Variants in FSTL5 observed in about 807,000 individuals in gnomAD.
FSTL5 encodes the protein follistatin-related protein 5.
Under a neutral mutation model 89.1 loss-of-function variants are expected in FSTL5, and 62 were observed. The ratio of observed to expected loss-of-function variants is 0.70; its 90% confidence interval spans 0.57 to 0.86. The LOEUF is 0.86. Among genes scored for constraint, FSTL5 ranks in the 40% least tolerant of loss-of-function variants. FSTL5 has a pLI of 0.00. For synonymous variants in FSTL5, 383 were observed against 346.2 expected, an observed-to-expected ratio of 1.11 and a Z score of -1.18; for missense variants, 1,057 against 1,001.6, an observed-to-expected ratio of 1.06 and a Z score of -0.75.
intron 2 of FSTL5, among the ~76,000 whole-genome samples, chr4:162,050,505 A>C (rs1738344139): frequency 6.7e-6 from 1 of 150,104 alleles, no homozygotes; most frequent in South Asian, 2.1e-4. Context: ...AAATAATTTA[A>C]TAATAATTTA....
Position 161,710,794 on chromosome 4 carries a change from T to C in FSTL5, c.727+48617A>G, listed in dbSNP as rs533389595. Among the ~76,000 whole-genome samples, 13 of 152,314 alleles carry C rather than the reference T, an allele frequency of 8.5e-5. No individual in the cohort carries two copies. In the South Asian group the frequency reaches 2.5e-3, roughly 29 times the overall value. ...TAAATCTGAAGTATAATCTGATTAA[T>C]TTATATGTATATGATAAGCCTTAGA... On this transcript the variant is annotated intron_variant, in intron 6 of 15. Transcript: ENST00000306100.
intron 4 of FSTL5, among the ~76,000 whole-genome samples, chr4:161,898,820 G>A (rs543170790): frequency 5.1e-4 from 78 of 151,794 alleles, no homozygotes; most frequent in African/African-American, 1.7e-3. Context: ...TAGTAGAGAC[G>A]GGGTTTCACC....
At chr4:161,514,390 C>T (rs1019003590) in intron 10 of FSTL5, among the ~76,000 whole-genome samples, 2 of 151,934 alleles carry the variant, frequency 1.3e-5, no homozygotes, top group Admixed American at 6.6e-5. Flanking sequence ...AAATATTGAA[C>T]GTTCTCACTT....
chr4:161,994,523 C>T (rs1334247699), intron 3 of FSTL5, among the ~76,000 whole-genome samples: 1 of 152,166 alleles, frequency 6.6e-6, no homozygotes, highest in Non-Finnish European at 1.5e-5. Flanking sequence ...TCCCTTTTCT[C>T]CACATCCTTG....
chr4:161,915,138 G>T (rs911223738), intron 4 of FSTL5, among the ~76,000 whole-genome samples: 5 of 152,110 alleles, frequency 3.3e-5, no homozygotes, highest in Non-Finnish European at 7.4e-5. Flanking sequence ...TTTTAAAACT[G>T]TAAGTTTGTT....
At chr4:161,797,474 C>T (rs1006130401) in intron 4 of FSTL5, among the ~76,000 whole-genome samples, 2 of 151,590 alleles carry the variant, frequency 1.3e-5, no homozygotes, top group African/African-American at 2.4e-5. Context: ...TTGTTTTAAT[C>T]ACTTAAAACA....
chr4:161,846,302 T>C (rs1418156231), intron 4 of FSTL5, among the ~76,000 whole-genome samples: 3 of 152,150 alleles, frequency 2.0e-5, no homozygotes, highest in Non-Finnish European at 4.4e-5. Context: ...AATTTTACCA[T>C]ATATTAAAAT....
intron 4 of FSTL5, among the ~76,000 whole-genome samples, chr4:161,863,315 C>G (rs1731975917): frequency 2.0e-5 from 3 of 152,136 alleles, no homozygotes; most frequent in African/African-American, 7.2e-5. Context: ...CTACTTTTTA[C>G]TATATACAGT....
At chr4:161,668,927 C>T (rs1353118020) in intron 6 of FSTL5, among the ~76,000 whole-genome samples, 1 of 151,768 alleles carries the variant, frequency 6.6e-6, no homozygotes, top group Non-Finnish European at 1.5e-5. Context: ...GCCTGGTCAA[C>T]ATGGTGAAAC....
chr4:161,838,619 A>G (rs992908005), intron 4 of FSTL5, among the ~76,000 whole-genome samples: 2 of 152,148 alleles, frequency 1.3e-5, no homozygotes, highest in Non-Finnish European at 2.9e-5. Flanking sequence ...TTATCCATAT[A>G]AGAAAAGAGG....
chr4:161,880,410 A>G (rs990668749), intron 4 of FSTL5, among the ~76,000 whole-genome samples: 18 of 152,176 alleles, frequency 1.2e-4, no homozygotes, highest in Admixed American at 2.0e-4. Context: ...TGTCATTCAT[A>G]AAAAAACAAA....
At chr4:161,443,603 C>G (rs1334362539) in intron 15 of FSTL5, among the ~76,000 whole-genome samples, 1 of 151,840 alleles carries the variant, frequency 6.6e-6, no homozygotes, top group Non-Finnish European at 1.5e-5. Flanking sequence ...TTAATGCAAT[C>G]TTATTGAATA....
At chr4:162,123,441 G>T (rs1047681229) in intron 1 of FSTL5, among the ~76,000 whole-genome samples, 6 of 152,052 alleles carry the variant, frequency 3.9e-5, no homozygotes, top group African/African-American at 1.4e-4. Flanking sequence ...GGTGTGCAGG[G>T]GAAAGAGGGA....
At chr4:161,844,221 C>A (rs1731299117) in intron 4 of FSTL5, among the ~76,000 whole-genome samples, 1 of 152,038 alleles carries the variant, frequency 6.6e-6, no homozygotes, top group Admixed American at 6.6e-5. Flanking sequence ...TAGAGAAATG[C>A]AAATCAAAAT....
At chr4:161,844,828 T>G (rs1025523351) in intron 4 of FSTL5, among the ~76,000 whole-genome samples, 5 of 152,030 alleles carry the variant, frequency 3.3e-5, no homozygotes, top group African/African-American at 1.2e-4. Flanking sequence ...AAATACCTAA[T>G]GTAGATGACA....
chr4:162,149,622 C>T (rs1733149091), intron 1 of FSTL5, among the ~76,000 whole-genome samples: 2 of 151,858 alleles, frequency 1.3e-5, no homozygotes, highest in Non-Finnish European at 1.5e-5. Flanking sequence ...CACTGCACTC[C>T]TGCCTGGGTG....
chr4:161,418,532 C>T (rs1385358662), intron 15 of FSTL5, among the ~76,000 whole-genome samples: 3 of 152,106 alleles, frequency 2.0e-5, no homozygotes, highest in African/African-American at 7.2e-5. Flanking sequence ...TGATCACTCA[C>T]TAATTCACCA....
At chr4:162,159,914 C>T (rs904531410) in intron 1 of FSTL5, among the ~76,000 whole-genome samples, 1 of 151,842 alleles carries the variant, frequency 6.6e-6, no homozygotes, top group African/African-American at 2.4e-5. Context: ...GGTATGTGCA[C>T]AAGCATTCTA....
chr4:161,560,686 A>G (rs960426427), intron 8 of FSTL5, among the ~76,000 whole-genome samples: 1 of 151,840 alleles, frequency 6.6e-6, no homozygotes, highest in African/African-American at 2.4e-5. Context: ...GGACCTGTGT[A>G]GGTCCTGTCT....
Sources: allele counts gnomAD v4.1 joint callset (sites outside exome capture counted in the v4.1 genomes callset), GRCh38; gene constraint gnomAD v4.1.1; transcripts MANE v1.5; gene names NCBI Gene and HGNC (gene_info 2026-07-23, HGNC 2026-07-21).